LCK: variants seen among roughly 807,000 people sequenced by gnomAD.
LCK encodes tyrosine-protein kinase Lck.
LCK carries 14 observed loss-of-function variants against 64.6 expected under a neutral mutation model. The ratio of observed to expected loss-of-function variants is 0.22; its 90% CI spans 0.14 to 0.34. LCK has a LOEUF of 0.34. Among genes scored for constraint, LCK ranks in the 10% least tolerant of loss-of-function variants. LCK has a pLI of 1.00. For missense variants in LCK, 434 were observed against 668.1 expected (o/e 0.65, Z 3.86); for synonymous variants, 277 against 263.6 (o/e 1.05, Z -0.49).
chr1:32,272,359 C>T (rs1042428313), intron 1 of LCK, among the ~76,000 whole-genome samples: 1 of 151,958 alleles, frequency 6.6e-6, no homozygotes, highest in East Asian at 1.9e-4. Context: ...GAGGCCAAGG[C>T]AGGAGGATTG....
Position 32,274,788 on chromosome 1 carries a change from G to C in LCK, c.157G>C (p.Gly53Arg). The change falls in exon 3 of 13, where the codon GGC becomes CGC. Residue 53 changes from glycine (G) to arginine (R), a missense_variant. By Grantham distance (125) the Gly-to-Arg change is moderately radical. Coordinates refer to ENST00000336890, the MANE Select transcript of LCK (RefSeq NM_005356.5). ...EVRDPLVTYE[G>R]SNPPASPLQD... ...GCGGGACCCACTGGTTACCTACGAA[G>C]GCTCCAATCCGCCGGCTTCCCCACT... 6.2e-7 allele frequency: 1 copy of C among 1,613,286 alleles called. No individual in the cohort carries two copies. The highest frequency in any genetic ancestry group is 1.1e-5 in the South Asian group (1 of 90,984).
intron 12 of LCK, among the ~76,000 whole-genome samples, chr1:32,280,443 CT>C (rs770430504): frequency 0.011 from 914 of 84,766 alleles, 1 homozygote; most frequent in African/African-American, 0.032. Flanking sequence ...TTTTCTTTTT[CT>C]TTTTTTTTTT....
chr1:32,261,732 T>A (rs1639776693), intron 1 of LCK, among the ~76,000 whole-genome samples: 1 of 147,386 alleles, frequency 6.8e-6, no homozygotes, highest in South Asian at 2.2e-4. Context: ...GGTGGGCAGA[T>A]CATGAGGTCA....
chr1:32,275,239 G>A lies in LCK; in HGVS notation c.279-82G>A. On this transcript the variant is annotated intron_variant, in intron 4 of 12. Transcript: ENST00000336890. This position sits in a 1 kb window ranked among gnomAD's most constrained non-coding sequence, Gnocchi z 6.9. ...GCTGAGCCAGGGTTGGGGGAGGCTGGCTTAAGGGGTGGAGGGGTCTTTGAG... is the reference window on the plus strand; with the variant it reads ...GCTGAGCCAGGGTTGGGGGAGGCTGACTTAAGGGGTGGAGGGGTCTTTGAG... 5.9e-6 allele frequency: 9 copies of A among 1,520,638 alleles called. No individual in the cohort carries two copies. Among genetic ancestry groups the A allele is most frequent in the Non-Finnish European group, 8.2e-6 (9 of 1,097,318 alleles). 94.2% of individuals were successfully genotyped at this position (1,520,638 alleles called of 1,614,324 possible).
intron 1 of LCK, among the ~76,000 whole-genome samples, chr1:32,260,352 C>T (rs1639737104): frequency 6.6e-6 from 1 of 152,068 alleles, no homozygotes; most frequent in Non-Finnish European, 1.5e-5. Flanking sequence ...CACTATGTTG[C>T]CCAGGCTGGT....
Position 32,285,635 on chromosome 1 carries a change from C to T in LCK, c.1449C>T (p.Asp483=), listed in dbSNP as rs542519367. ...MRLCWKERPE[D]RPTFDYLRSV... Reference sequence around the variant, plus strand: ...TGTGCTGGAAGGAGCGCCCAGAGGACCGGCCCACCTTTGACTACCTGCGCA... The same window carrying T: ...TGTGCTGGAAGGAGCGCCCAGAGGATCGGCCCACCTTTGACTACCTGCGCA... Residue 483 remains aspartate, a synonymous_variant, in exon 13 of 13, where the codon GAC becomes GAT. Transcript: ENST00000336890. 28 of 1,614,206 alleles carry T rather than the reference C, an allele frequency of 1.7e-5. No homozygotes were observed. The East Asian group carries it at 5.8e-4, about 33-fold the overall frequency.
intron 1 of LCK, among the ~76,000 whole-genome samples, chr1:32,270,864 C>T (rs571833731): frequency 3.3e-5 from 5 of 149,882 alleles, no homozygotes; most frequent in Non-Finnish European, 4.4e-5. Context: ...CCACCAAGCC[C>T]GATTAATTTT....
At chr1:32,264,056 C>A (rs755447909) in intron 1 of LCK, among the ~76,000 whole-genome samples, 1 of 152,160 alleles carries the variant, frequency 6.6e-6, no homozygotes, top group African/African-American at 2.4e-5. Flanking sequence ...TCCCTCTGCA[C>A]ACACAGACTC....
chr1:32,256,243 T>C (rs1307527426), intron 1 of LCK, among the ~76,000 whole-genome samples: 2 of 151,624 alleles, frequency 1.3e-5, no homozygotes, highest in Non-Finnish European at 2.9e-5. Flanking sequence ...GTTCAAGCAA[T>C]TCTCCTGCCT....
intron 1 of LCK, among the ~76,000 whole-genome samples, chr1:32,272,860 TGTAAG>T (rs1399248253): frequency 4.4e-5 from 6 of 136,800 alleles, no homozygotes; most frequent in African/African-American, 1.4e-4. Context: ...TGTGTGTGTG[TGTAAG>T]GTGAGTGTGT....
At position 32,286,102 on chromosome 1, in the gene LCK, C is replaced by T. The variant is rs1432093403; in HGVS notation, c.*386C>T. On this transcript the variant is annotated 3_prime_UTR_variant, in exon 13 of 13. Transcript: ENST00000336890. ...ACTTTATCTAATACCTCTGTGTGCT[C>T]CTCCTTGGTGCCTGGCCTGGCACAC... 3.1e-6 allele frequency: 1 copy of T among 323,128 alleles called. No individual in the cohort carries two copies. Among genetic ancestry groups the T allele is most frequent in the African/African-American group, 2.0e-5 (1 of 49,662 alleles). 20.0% of individuals were successfully genotyped at this position (323,128 alleles called of 1,614,324 possible). A position where few individuals can be genotyped will look rare whatever the true frequency, so the allele number is the denominator to read the frequency against.
At chr1:32,283,158 A>C (rs1341640882) in intron 12 of LCK, among the ~76,000 whole-genome samples, 5 of 151,796 alleles carry the variant, frequency 3.3e-5, no homozygotes, top group African/African-American at 1.2e-4. Flanking sequence ...GTGTGGTGGC[A>C]TGCACCTGTA....
At chr1:32,257,083 A>G (rs1344764811) in intron 1 of LCK, among the ~76,000 whole-genome samples, 3 of 152,148 alleles carry the variant, frequency 2.0e-5, no homozygotes, top group Admixed American at 6.6e-5. Flanking sequence ...TAAGCATTTT[A>G]TTATATGAGA....
chr1:32,280,023 G>A, intron 11 of LCK, 29 bp downstream of exon 11: 1 of 1,613,956 alleles, frequency 6.2e-7, no homozygotes, highest in Non-Finnish European at 8.5e-7. Context: ...GGTGGTCTGG[G>A]CCCTGCAGGG....
chr1:32,254,938 C>T (rs554728715), intron 1 of LCK, among the ~76,000 whole-genome samples: 5 of 152,228 alleles, frequency 3.3e-5, no homozygotes, highest in African/African-American at 1.2e-4. Context: ...CACATGGGCC[C>T]AGGAGTTTGA....
At chr1:32,279,154 C>G (rs893115155) in intron 9 of LCK, among the ~76,000 whole-genome samples, 10 of 152,082 alleles carry the variant, frequency 6.6e-5, no homozygotes, top group African/African-American at 1.7e-4. Context: ...TCCAGCATGC[C>G]CATGGGAGTG....
chr1:32,252,841 G>A (rs1207891321), intron 1 of LCK, among the ~76,000 whole-genome samples: 1 of 152,208 alleles, frequency 6.6e-6, no homozygotes, highest in Non-Finnish European at 1.5e-5. Flanking sequence ...CCATTTTCAA[G>A]AGTGCGTAGG....
Position 32,280,241 on chromosome 1 carries a change from G to A in LCK, c.1327+31G>A, listed in dbSNP as rs955753520. The A allele has an allele frequency of 3.7e-6, 6 of 1,612,552 alleles. No individual in the cohort carries two copies. In the African/African-American group the frequency reaches 8.0e-5, roughly 22 times the overall value. The stretch of plus-strand genomic sequence containing the variant: ...AGCCAAGGGCAGGAACTGAAAGGGT[G>A]ATGGGAAGGGCAAGTCCATGTCTTC... On this transcript the variant is annotated intron_variant, in intron 12 of 12. Transcript: ENST00000336890.
rs569091494 is a variant in LCK at position 32,274,153 on chromosome 1, G to C, written c.-5-172G>C. The C allele has an allele frequency of 7.9e-6, 11 of 1,396,250 alleles. No individual in the cohort carries two copies. The South Asian group carries it at 1.0e-4, about 13-fold the overall frequency. 86.5% of individuals were successfully genotyped at this position (1,396,250 alleles called of 1,614,324 possible). On this transcript the variant is annotated intron_variant, in intron 1 of 12. Transcript: ENST00000336890. Reference sequence around the variant, plus strand: ...GCCTGAGGGCTCAGAGGGAGCACCGGTTTGGAGCTGGGACCCCCTATTTTA... The same window carrying C: ...GCCTGAGGGCTCAGAGGGAGCACCGCTTTGGAGCTGGGACCCCCTATTTTA...
Sources: allele counts gnomAD v4.1 joint callset (sites outside exome capture counted in the v4.1 genomes callset), GRCh38; gene constraint gnomAD v4.1.1; non-coding constraint Gnocchi (gnomAD v3.1); transcripts MANE v1.5; gene names NCBI Gene and HGNC (gene_info 2026-07-23, HGNC 2026-07-21).